SMC6: variants seen among roughly 807,000 people sequenced by gnomAD.
SMC6 encodes structural maintenance of chromosomes protein 6.
In SMC6, 79 loss-of-function variants were observed where a neutral mutation model predicts 142.2. The ratio of observed to expected loss-of-function variants is 0.56; its 90% CI spans 0.46 to 0.67. The LOEUF (loss-of-function observed/expected upper bound fraction) is 0.67. Among genes scored for constraint, SMC6 ranks in the 30% least tolerant of loss-of-function variants. SMC6 has a pLI of 0.00. For synonymous variants in SMC6, 411 were observed against 412.4 expected, an observed-to-expected ratio of 1.00 and a Z score of 0.04; for missense variants, 1,072 against 1,284.0, an observed-to-expected ratio of 0.83 and a Z score of 2.52.
intron 5 of SMC6, among the ~76,000 whole-genome samples, chr2:17,736,437 GA>G (rs532764714): frequency 4.0e-5 from 6 of 151,288 alleles, no homozygotes; most frequent in African/African-American, 1.2e-4. Flanking sequence ...TCAAATGGGG[GA>G]AAAAAAAGTA....
intron 12 of SMC6, among the ~76,000 whole-genome samples, chr2:17,717,570 C>T (rs1230244535): frequency 6.6e-6 from 1 of 152,146 alleles, no homozygotes; most frequent in Non-Finnish European, 1.5e-5. Flanking sequence ...ACTCAGGAGA[C>T]TGAGGCAGGA....
intron 26 of SMC6, among the ~76,000 whole-genome samples, chr2:17,667,702 T>G (rs916465969): frequency 3.0e-4 from 45 of 152,074 alleles, no homozygotes; most frequent in African/African-American, 1.1e-3. Flanking sequence ...ATACAAAAAT[T>G]AGCCGGGCAT....
At position 17,731,070 on chromosome 2, in the gene SMC6, C is replaced by T. The variant is rs764488917; in HGVS notation, c.543+8G>A. 1 of 1,606,590 alleles carries T rather than the reference C, an allele frequency of 6.2e-7. No individual in the cohort carries two copies. The highest frequency in any genetic ancestry group is 1.1e-5 in the South Asian group (1 of 90,340). ...TGAATTAATCTGAAACACAAATTCA[C>T]CAATTACCTGGATGTTAAAATGATC... is the stretch of plus-strand genomic sequence containing the variant. On this transcript the variant is annotated splice_region_variant and intron_variant, in intron 7 of 27. Coordinates refer to ENST00000448223, the MANE Select transcript of SMC6 (RefSeq NM_001142286.2).
Position 17,666,484 on chromosome 2 carries a change from T to A in SMC6, c.3097A>T (p.Ile1033Leu). The A allele has an allele frequency of 1.9e-6, 3 of 1,613,906 alleles. No individual in the cohort carries two copies. Among genetic ancestry groups the A allele is most frequent in the Non-Finnish European group, 2.5e-6 (3 of 1,179,916 alleles). The change falls in exon 27 of 28, where the codon ATA (isoleucine) becomes TTA (leucine). Residue 1033 changes from isoleucine (I) to leucine (L), a missense_variant. This residue lies in a region of SMC6 where 76 missense variants were observed against 112.3 expected (regional missense o/e 0.68). Transcript: ENST00000448223. The part of the protein sequence containing the change: ...MVNRRIAMDL[I>L]LKMADSQRFR... ...CGCTGGGAATCTGCCATCTTCAGTA[T>A]CAAGTCCATGGCAATTCTCCTATTA...
chr2:17,669,265 G>A (rs934324575), intron 26 of SMC6, among the ~76,000 whole-genome samples: 6 of 152,260 alleles, frequency 3.9e-5, no homozygotes, highest in East Asian at 1.9e-4. Context: ...TCAACCTCGG[G>A]GCTGCTGAAT....
chr2:17,691,912 A>G (rs891401612), intron 23 of SMC6, among the ~76,000 whole-genome samples: 2 of 151,780 alleles, frequency 1.3e-5, no homozygotes, highest in Non-Finnish European at 3.0e-5. Context: ...ATTCTTATAC[A>G]CCAGTAACAG....
chr2:17,726,606 A>G, intron 7 of SMC6, 137 bp from the exon 8 acceptor site: 1 of 588,068 alleles, frequency 1.7e-6, no homozygotes, highest in South Asian at 2.5e-5. Flanking sequence ...TAACGTTAGG[A>G]TAAAAATACT....
intron 21 of SMC6, 63 bp from the exon 22 acceptor site, chr2:17,696,489 T>C (rs1667994200): frequency 4.6e-6 from 7 of 1,532,598 alleles, no homozygotes; most frequent in Non-Finnish European, 4.4e-6. Flanking sequence ...GGTATAAAGA[T>C]AATAAACAAC....
Position 17,695,081 on chromosome 2 carries a change from T to C in SMC6, c.2678+71A>G, listed in dbSNP as rs574179669. On this transcript the variant is annotated intron_variant, in intron 23 of 27. Transcript: ENST00000448223. ...TTCATTCAAATTTAAGACATGTATA[T>C]GTTTTTCATTTTTTGTCTTGATGAT... The C allele has an allele frequency of 1.2e-3, 1,820 of 1,534,392 alleles. 9 individuals carry two copies. The highest frequency in any genetic ancestry group is 2.5e-3 in the Middle Eastern group (15 of 5,896).
At chr2:17,686,573 C>G (rs1667465302) in intron 23 of SMC6, among the ~76,000 whole-genome samples, 1 of 152,134 alleles carries the variant, frequency 6.6e-6, no homozygotes, top group South Asian at 2.1e-4. Flanking sequence ...AAATTCCACA[C>G]CTGACCTCAT....
At chr2:17,675,869 G>A (rs1384761348) in intron 25 of SMC6, among the ~76,000 whole-genome samples, 1 of 152,024 alleles carries the variant, frequency 6.6e-6, no homozygotes, top group East Asian at 1.9e-4. Flanking sequence ...TCACTTGTAG[G>A]TTGCTGAGGT....
chr2:17,748,014 A>G (rs957448986), intron 2 of SMC6, among the ~76,000 whole-genome samples: 4 of 152,202 alleles, frequency 2.6e-5, no homozygotes, highest in Non-Finnish European at 5.9e-5. Flanking sequence ...TTCCTGCACC[A>G]CATTTTGCAA....
chr2:17,683,860 G>A, intron 23 of SMC6, 97 bp from the exon 24 acceptor site: 1 of 1,155,554 alleles, frequency 8.7e-7, no homozygotes, highest in Non-Finnish European at 1.3e-6. Context: ...AACAGGGAGG[G>A]GCAGAGAGTA....
At chr2:17,698,727 A>AT (rs1229435677) in intron 21 of SMC6, among the ~76,000 whole-genome samples, 1 of 151,892 alleles carries the variant, frequency 6.6e-6, no homozygotes, top group Non-Finnish European at 1.5e-5. Context: ...CTGTCATTTT[A>AT]TTTGTTGTAT....
intron 25 of SMC6, among the ~76,000 whole-genome samples, chr2:17,673,402 T>C (rs1432526657): frequency 6.6e-6 from 1 of 152,098 alleles, no homozygotes; most frequent in Non-Finnish European, 1.5e-5. Context: ...TCTTTTCTTT[T>C]GAGTAGGTTG....
In SMC6 at chr2:17,708,697, G is replaced by T; in HGVS notation, c.1787C>A (p.Ala596Glu). The part of the protein sequence containing the change: ...TVLTALEIDN[A>E]VVANSLIDMR... ...GTCAATTAGGCTATTTGCCACAACCGCATTATCTATTTCTAAAGCTGTCAG... is the reference window on the plus strand; with the variant it reads ...GTCAATTAGGCTATTTGCCACAACCTCATTATCTATTTCTAAAGCTGTCAG... Residue 596 changes from alanine (A) to glutamate (E), a missense_variant, in exon 17 of 28, where the codon GCG becomes GAG. Transcript: ENST00000448223. The T allele has an allele frequency of 4.5e-6, 7 of 1,559,230 alleles. No homozygotes were observed. In the Admixed American group the frequency reaches 5.5e-5, roughly 12 times the overall value.
At chr2:17,724,187 C>T (rs937995831) in intron 9 of SMC6, among the ~76,000 whole-genome samples, 2 of 152,108 alleles carry the variant, frequency 1.3e-5, no homozygotes, top group Admixed American at 6.6e-5. Flanking sequence ...TCCCCAATAA[C>T]AACACTGACA....
At chr2:17,733,082 T>C (rs866700173) in intron 5 of SMC6, among the ~76,000 whole-genome samples, 5 of 152,258 alleles carry the variant, frequency 3.3e-5, no homozygotes, top group South Asian at 2.1e-4. Context: ...AGTCCCTTAA[T>C]ATAAAAGTGT....
intron 23 of SMC6, among the ~76,000 whole-genome samples, chr2:17,684,396 G>A (rs1170107037): frequency 2.0e-5 from 3 of 152,228 alleles, no homozygotes; most frequent in African/African-American, 4.8e-5. Flanking sequence ...CAAAAAACGC[G>A]CTGGCACAGC....
Sources: gnomAD v4.1 joint callset for allele counts (sites outside exome capture counted in the v4.1 genomes callset) on GRCh38, gnomAD v4.1.1 for gene constraint, gnomAD v4.1.1 regional missense constraint, MANE v1.5 for transcripts, NCBI Gene and HGNC (gene_info 2026-07-23, HGNC 2026-07-21) for gene names.